CCDC3: variants seen among roughly 807,000 people sequenced by gnomAD.
The protein encoded by CCDC3 is coiled-coil domain containing 3.
In CCDC3, 24 loss-of-function variants were observed where a neutral mutation model predicts 21.4. The observed-to-expected ratio is 1.12, with a 90% CI of 0.81 to 1.58. The LOEUF is 1.58. Ranked by LOEUF, CCDC3 falls within the 40% of genes most tolerant of loss-of-function variation. The pLI, the probability that CCDC3 is intolerant of heterozygous loss-of-function variation, is 0.00. For missense variants in CCDC3, 425 were observed against 360.9 expected, an observed-to-expected ratio of 1.18 and a Z score of -1.44; for synonymous variants, 186 against 166.0, an observed-to-expected ratio of 1.12 and a Z score of -0.93.
intron 2 of CCDC3, among the ~76,000 whole-genome samples, chr10:12,992,227 TA>T (rs1309246045): frequency 6.6e-6 from 1 of 151,966 alleles, no homozygotes; most frequent in African/African-American, 2.4e-5. Flanking sequence ...CCATCTCTAT[TA>T]AAAATACAAA....
chr10:12,981,686 G>A (rs1036225550), intron 2 of CCDC3, among the ~76,000 whole-genome samples: 2 of 152,180 alleles, frequency 1.3e-5, no homozygotes, highest in Admixed American at 6.5e-5. Context: ...TGCTATTACT[G>A]AGGGCATCTA....
intron 5 of CCDC3, among the ~76,000 whole-genome samples, chr10:13,021,301 C>T (rs996555841): frequency 8.5e-5 from 13 of 152,342 alleles, no homozygotes; most frequent in Middle Eastern, 3.4e-3. Flanking sequence ...TCCTATCAAT[C>T]ACAGCTTAAT....
chr10:13,057,689 C>T (rs1836699141), intron 4 of CCDC3, among the ~76,000 whole-genome samples: 1 of 152,038 alleles, frequency 6.6e-6, no homozygotes, highest in African/African-American at 2.4e-5. Context: ...ACCAGCCTGG[C>T]CAATATAGTG....
intron 2 of CCDC3, among the ~76,000 whole-genome samples, chr10:12,988,051 T>C (rs1301101910): frequency 1.3e-5 from 2 of 152,228 alleles, no homozygotes; most frequent in Non-Finnish European, 2.9e-5. Flanking sequence ...CGCCGTTCAA[T>C]GGCTCCCCAA....
At chr10:13,071,994 C>G (rs1836887999) in intron 4 of CCDC3, among the ~76,000 whole-genome samples, 2 of 152,058 alleles carry the variant, frequency 1.3e-5, no homozygotes, top group Admixed American at 1.3e-4. Flanking sequence ...GTACTGGGCT[C>G]AGGAGAAGGG....
intron 4 of CCDC3, among the ~76,000 whole-genome samples, chr10:13,071,401 G>C (rs558269090): frequency 3.9e-5 from 6 of 152,314 alleles, no homozygotes; most frequent in African/African-American, 1.4e-4. Flanking sequence ...GATGATAATG[G>C]CAGTTAAAAG....
At chr10:13,068,390 G>A (rs1419574851) in intron 4 of CCDC3, among the ~76,000 whole-genome samples, 1 of 151,970 alleles carries the variant, frequency 6.6e-6, no homozygotes, top group Non-Finnish European at 1.5e-5. Flanking sequence ...ACTTAAAAGA[G>A]GATAAGCACT....
At chr10:13,094,946 C>G (rs568950516) in intron 3 of CCDC3, among the ~76,000 whole-genome samples, 1 of 152,200 alleles carries the variant, frequency 6.6e-6, no homozygotes, top group South Asian at 2.1e-4. Context: ...TGTCTCAAAG[C>G]AGAGCCATGG....
intron 4 of CCDC3, among the ~76,000 whole-genome samples, chr10:13,055,131 G>C (rs1412663816): frequency 1.3e-5 from 2 of 152,164 alleles, no homozygotes; most frequent in Non-Finnish European, 2.9e-5. Context: ...GGTGGTGCTG[G>C]CCTTTGGCCT....
At chr10:13,066,768 C>T (rs866780117) in intron 4 of CCDC3, among the ~76,000 whole-genome samples, 73 of 152,236 alleles carry the variant, frequency 4.8e-4, no homozygotes, top group Admixed American at 3.4e-3. Context: ...CCACAGGCAG[C>T]GGGAGGAGCC....
intron 2 of CCDC3, among the ~76,000 whole-genome samples, chr10:12,962,042 A>G (rs1294645744): frequency 6.6e-6 from 1 of 152,216 alleles, no homozygotes; most frequent in East Asian, 1.9e-4. Flanking sequence ...TGCTCTCTGA[A>G]AAGATTGAAA....
intron 2 of CCDC3, among the ~76,000 whole-genome samples, chr10:12,947,630 T>C (rs1167655602): frequency 6.6e-6 from 1 of 152,188 alleles, no homozygotes; most frequent in Non-Finnish European, 1.5e-5. Flanking sequence ...GGAATCTAGA[T>C]CTTCTAATTA....
chr10:12,967,893 G>A (rs929379426), intron 2 of CCDC3, among the ~76,000 whole-genome samples: 168 of 152,122 alleles, frequency 1.1e-3, no homozygotes, highest in Admixed American at 3.1e-3. Flanking sequence ...AAGACAGGTC[G>A]GGCATGGTGG....
chr10:13,022,986 A>T (rs1836165548), intron 5 of CCDC3, among the ~76,000 whole-genome samples: 2 of 152,234 alleles, frequency 1.3e-5, no homozygotes, highest in Admixed American at 1.3e-4. Context: ...GGAAGATGAC[A>T]TAAAAAATAC....
chr10:12,981,023 C>T (rs1835488776), intron 2 of CCDC3, among the ~76,000 whole-genome samples: 1 of 151,818 alleles, frequency 6.6e-6, no homozygotes, highest in African/African-American at 2.4e-5. Flanking sequence ...AGAGGAGACC[C>T]TTTATGGAAG....
chr10:12,900,683 T>G (rs1410729809), intron 2 of CCDC3, among the ~76,000 whole-genome samples: 1 of 104,318 alleles, frequency 9.6e-6, no homozygotes, highest in Non-Finnish European at 1.8e-5. Context: ...AAAGAGACAC[T>G]CCATCTCAAA....
intron 2 of CCDC3, among the ~76,000 whole-genome samples, chr10:12,937,423 A>G (rs1224248933): frequency 6.6e-6 from 1 of 152,162 alleles, no homozygotes; most frequent in Non-Finnish European, 1.5e-5. Flanking sequence ...ACCAGAAGAC[A>G]TCAGATATCA....
chr10:13,059,233 A>G (rs992895150), intron 4 of CCDC3, among the ~76,000 whole-genome samples: 2 of 152,130 alleles, frequency 1.3e-5, no homozygotes, highest in African/African-American at 4.8e-5. Flanking sequence ...CTTGGAAGCC[A>G]CCTATGGAAG....
At position 12,992,783 on chromosome 10, in the gene CCDC3, G is replaced by T. The variant is rs60905517; in HGVS notation, c.549+5555C>A. 7.5e-3 allele frequency among the ~76,000 whole-genome samples: 1,138 copies of T among 152,240 alleles called. 19 individuals carry two copies. Among genetic ancestry groups the T allele is most frequent in the African/African-American group, 0.026 (1,094 of 41,536 alleles). ...TGATTCGTGCAACCAAACACCACCTGTTCCCTAGAACTGACTGAAATAATG... is the reference window on the plus strand; with the variant it reads ...TGATTCGTGCAACCAAACACCACCTTTTCCCTAGAACTGACTGAAATAATG... On this transcript the variant is annotated intron_variant, in intron 2 of 2. Transcript: ENST00000378825.
Sources: gnomAD v4.1 joint callset for allele counts (sites outside exome capture counted in the v4.1 genomes callset) on GRCh38, gnomAD v4.1.1 for gene constraint, MANE v1.5 for transcripts, NCBI Gene and HGNC (gene_info 2026-07-23, HGNC 2026-07-21) for gene names.